The following CCSER1 variants were observed in gnomAD, a reference collection of about 807,000 sequenced individuals.
CCSER1 encodes coiled-coil serine rich protein 1.
Under a neutral mutation model 82.0 loss-of-function variants are expected in CCSER1, and 41 were observed. That is an observed-to-expected ratio of 0.50 (90% confidence interval 0.39 to 0.65). CCSER1 has a LOEUF of 0.65. Ranked by LOEUF, CCSER1 falls within the 30% of genes least tolerant of loss-of-function variation. The pLI, the probability that CCSER1 is intolerant of heterozygous loss-of-function variation, is 0.00. For synonymous variants in CCSER1, 414 were observed against 383.9 expected (o/e 1.08, Z -0.92); for missense variants, 1,119 against 1,064.2 (o/e 1.05, Z -0.72).
chr4:91,281,472 C>A (rs1469220090), intron 10 of CCSER1, among the ~76,000 whole-genome samples: 1 of 152,060 alleles, frequency 6.6e-6, no homozygotes, highest in Non-Finnish European at 1.5e-5. Flanking sequence ...AAAGTGCAAT[C>A]AAAAAGAAAC....
intron 4 of CCSER1, among the ~76,000 whole-genome samples, chr4:90,446,611 A>G (rs1424257634): frequency 6.6e-6 from 1 of 152,172 alleles, no homozygotes; most frequent in African/African-American, 2.4e-5. Context: ...ATAAAATAAT[A>G]TTGGCTAGAT....
intron 10 of CCSER1, among the ~76,000 whole-genome samples, chr4:91,483,956 G>T (rs984864314): frequency 2.0e-5 from 3 of 151,452 alleles, no homozygotes; most frequent in East Asian, 2.0e-4. Context: ...TGCCCAAGTA[G>T]GCAGCCATTT....
At chr4:91,280,323 G>A (rs932059582) in intron 10 of CCSER1, among the ~76,000 whole-genome samples, 1 of 152,206 alleles carries the variant, frequency 6.6e-6, no homozygotes, top group African/African-American at 2.4e-5. Flanking sequence ...GTATTGCATG[G>A]GTGATAGCAG....
At chr4:91,427,180 A>G (rs1176798159) in intron 10 of CCSER1, among the ~76,000 whole-genome samples, 1 of 152,232 alleles carries the variant, frequency 6.6e-6, no homozygotes, top group South Asian at 2.1e-4. Flanking sequence ...CCACCACCAC[A>G]TTTATTTAAC....
chr4:90,239,043 G>T (rs536103490), intron 1 of CCSER1, among the ~76,000 whole-genome samples: 12 of 152,214 alleles, frequency 7.9e-5, no homozygotes, highest in Non-Finnish European at 1.5e-4. Flanking sequence ...TAGAGACGGG[G>T]TTTTACCATG....
chr4:91,230,513 T>A (rs1330369721), intron 10 of CCSER1, among the ~76,000 whole-genome samples: 1 of 152,062 alleles, frequency 6.6e-6, no homozygotes, highest in Non-Finnish European at 1.5e-5. Flanking sequence ...AAATGAACAC[T>A]AATTAGAGAT....
At chr4:90,413,693 C>A (rs979235927) in intron 4 of CCSER1, among the ~76,000 whole-genome samples, 9 of 151,712 alleles carry the variant, frequency 5.9e-5, no homozygotes, top group South Asian at 2.1e-4. Flanking sequence ...TCCTCCCTCA[C>A]GCCTGTAATC....
chr4:90,431,590 A>G (rs1218717513), intron 4 of CCSER1, among the ~76,000 whole-genome samples: 2 of 152,064 alleles, frequency 1.3e-5, no homozygotes, highest in Non-Finnish European at 2.9e-5. Flanking sequence ...AAATTTAGAA[A>G]TCTTTCTGTA....
chr4:90,393,800 A>C (rs1480434935), intron 3 of CCSER1, among the ~76,000 whole-genome samples: 2 of 125,928 alleles, frequency 1.6e-5, no homozygotes, highest in Non-Finnish European at 3.2e-5. Flanking sequence ...TTTTTGGGAC[A>C]GGACCTTGCT....
At chr4:90,751,595 AGTT>A (rs1161708333) in intron 7 of CCSER1, among the ~76,000 whole-genome samples, 1 of 152,150 alleles carries the variant, frequency 6.6e-6, no homozygotes, top group African/African-American at 2.4e-5. Context: ...GATGTTAAAT[AGTT>A]GTTAAAGCAT....
intron 8 of CCSER1, among the ~76,000 whole-genome samples, chr4:90,899,810 T>C (rs1437661710): frequency 6.6e-6 from 1 of 151,968 alleles, no homozygotes; most frequent in Non-Finnish European, 1.5e-5. Context: ...ACTTGATTGT[T>C]ATGGATTATC....
At chr4:90,180,415 C>G (rs192683126) in intron 1 of CCSER1, among the ~76,000 whole-genome samples, 31 of 151,956 alleles carry the variant, frequency 2.0e-4, no homozygotes, top group African/African-American at 7.0e-4. Context: ...ATGGTGAAAC[C>G]GCGTCTCTAC....
chr4:90,926,939 T>A (rs929698274), intron 9 of CCSER1, among the ~76,000 whole-genome samples: 1 of 152,054 alleles, frequency 6.6e-6, no homozygotes, highest in Non-Finnish European at 1.5e-5. Flanking sequence ...GGAAGTTTTT[T>A]ATCTAATTAC....
chr4:90,861,705 C>T (rs1765104830), intron 8 of CCSER1, among the ~76,000 whole-genome samples: 1 of 151,504 alleles, frequency 6.6e-6, no homozygotes, highest in East Asian at 1.9e-4. Context: ...TCAGAATATC[C>T]AATAATAATC....
In CCSER1 at chr4:90,887,151, A is replaced by G. The variant is rs933616612; in HGVS notation, c.2095-36219A>G. 2.0e-5 allele frequency among the ~76,000 whole-genome samples: 3 copies of G among 152,146 alleles called. No homozygotes were observed. The East Asian group carries it at 5.8e-4, about 29-fold the overall frequency. The stretch of plus-strand genomic sequence containing the variant: ...TGTGATACAGAATACAATAAAGACA[A>G]TCTTAGGTAGAATTAAGATTTTCCA... On this transcript the variant is annotated intron_variant, in intron 8 of 10. Transcript: ENST00000509176.
chr4:91,038,731 T>A (rs1427947455), intron 9 of CCSER1, among the ~76,000 whole-genome samples: 1 of 152,194 alleles, frequency 6.6e-6, no homozygotes, highest in Non-Finnish European at 1.5e-5. Context: ...CCCCCCTTTT[T>A]ATTCAAAGTT....
At chr4:90,699,848 G>A (rs1737702745) in intron 6 of CCSER1, among the ~76,000 whole-genome samples, 1 of 151,948 alleles carries the variant, frequency 6.6e-6, no homozygotes, top group South Asian at 2.1e-4. Flanking sequence ...TTAGATTAGT[G>A]CCCTTATAAA....
rs774760052 is a variant in CCSER1, at chr4:91,598,691, A to T, written c.2337A>T (p.Lys779Asn). Residue 779 changes from lysine (K) to asparagine (N), a missense_variant, in exon 11 of 11, where the codon AAA becomes AAT. Coordinates refer to ENST00000509176, the MANE Select transcript of CCSER1 (RefSeq NM_001145065.2). ...YSAADQTSPY[K>N]NKTCQLPSLC... is the part of the protein sequence containing the mutation. ...CAGCGGACCAGACAAGCCCCTACAA[A>T]AACAAGACCTGTCAACTCCCAAGTC... 4.0e-5 allele frequency: 62 copies of T among 1,551,530 alleles called. No individual in the cohort carries two copies. Among genetic ancestry groups the T allele is most frequent in the Non-Finnish European group, 5.1e-5 (58 of 1,146,910 alleles).
At chr4:90,797,530 G>C (rs1756207292) in intron 7 of CCSER1, among the ~76,000 whole-genome samples, 3 of 152,098 alleles carry the variant, frequency 2.0e-5, no homozygotes, top group South Asian at 4.1e-4. Flanking sequence ...GATGTTAACT[G>C]TTTATTTTGC....
Sources: gnomAD v4.1 joint callset for allele counts (sites outside exome capture counted in the v4.1 genomes callset) on GRCh38, gnomAD v4.1.1 for gene constraint, MANE v1.5 for transcripts, NCBI Gene and HGNC (gene_info 2026-07-23, HGNC 2026-07-21) for gene names.